ERP44: variants seen among roughly 807,000 people sequenced by gnomAD.
The protein encoded by ERP44 is endoplasmic reticulum protein 44, also known as endoplasmic reticulum resident protein 44.
A neutral mutation model predicts 53.4 loss-of-function variants in ERP44; 25 were observed. The ratio of observed to expected loss-of-function variants is 0.47; its 90% confidence interval spans 0.34 to 0.65. The LOEUF (loss-of-function observed/expected upper bound fraction) is 0.65. ERP44 is among the 30% of genes least tolerant of loss of function. The pLI, the probability that ERP44 is intolerant of heterozygous loss-of-function variation, is 0.01. For missense variants in ERP44, 338 were observed against 493.2 expected, an observed-to-expected ratio of 0.69 and a Z score of 2.98; for synonymous variants, 145 against 161.2, an observed-to-expected ratio of 0.90 and a Z score of 0.76.
chr9:100,030,970 C>G (rs1825780581), intron 4 of ERP44, among the ~76,000 whole-genome samples: 1 of 152,192 alleles, frequency 6.6e-6, no homozygotes. Flanking sequence ...CAGGGCCCAT[C>G]TGAGGGCAAG....
At chr9:100,081,995 C>T (rs1189777916) in intron 1 of ERP44, among the ~76,000 whole-genome samples, 1 of 151,690 alleles carries the variant, frequency 6.6e-6, no homozygotes, top group Non-Finnish European at 1.5e-5. Flanking sequence ...AAATTAATAA[C>T]ATACACACAC....
In ERP44 at chr9:100,006,656, A is replaced by G; in HGVS notation, c.875-9T>C. 1 of 1,555,816 alleles carries G rather than the reference A, an allele frequency of 6.4e-7. No individual in the cohort carries two copies. Among genetic ancestry groups the G allele is most frequent in the Non-Finnish European group, 8.7e-7 (1 of 1,153,898 alleles). On this transcript the variant is annotated splice_polypyrimidine_tract_variant and intron_variant, in intron 9 of 11. Transcript: ENST00000262455. ...TAAAAAGTTTATTGTACCTTTAAGA[A>G]AAAAGAATTTTGAGAGGTAAATTCA...
chr9:100,007,346 T>G (rs1830433126), intron 9 of ERP44, among the ~76,000 whole-genome samples: 1 of 152,240 alleles, frequency 6.6e-6, no homozygotes, highest in Non-Finnish European at 1.5e-5. Context: ...TTTCATGCAC[T>G]TTGATTTTTC....
chr9:100,037,356 CA>C (rs2118681773), intron 4 of ERP44, among the ~76,000 whole-genome samples: 1 of 152,258 alleles, frequency 6.6e-6, no homozygotes, highest in African/African-American at 2.4e-5. Flanking sequence ...CAAACATTAC[CA>C]CCTTGTGCCA....
intron 8 of ERP44, among the ~76,000 whole-genome samples, chr9:100,013,929 T>C (rs1830502289): frequency 6.6e-6 from 1 of 152,214 alleles, no homozygotes; most frequent in Non-Finnish European, 1.5e-5. Context: ...TATATTGTGT[T>C]ATATTTATAT....
intron 10 of ERP44, among the ~76,000 whole-genome samples, chr9:99,996,309 C>T (rs1026924597): frequency 2.6e-5 from 4 of 152,090 alleles, no homozygotes; most frequent in Non-Finnish European, 2.9e-5. Context: ...AAAGCCAGGA[C>T]GCCCCTCAGC....
At chr9:100,059,878 C>T (rs993244710) in intron 2 of ERP44, among the ~76,000 whole-genome samples, 2 of 152,042 alleles carry the variant, frequency 1.3e-5, no homozygotes, top group African/African-American at 2.4e-5. Flanking sequence ...CAAAACATTT[C>T]GTGAATTGTT....
intron 10 of ERP44, among the ~76,000 whole-genome samples, chr9:99,992,522 T>A (rs1484562331): frequency 6.6e-6 from 1 of 152,172 alleles, no homozygotes; most frequent in South Asian, 2.1e-4. Context: ...TATCTCTAAA[T>A]AATAAGAGCT....
Position 99,981,463 on chromosome 9 carries a change from T to C in ERP44, c.*1149A>G, listed in dbSNP as rs529042847. On this transcript the variant is annotated 3_prime_UTR_variant, in exon 12 of 12. Transcript: ENST00000262455. Reference sequence around the variant, plus strand: ...TTTATACCCAAGTATAAAATGACCCTTGGCCTATAGCACCAACCCAGGCCC... The same window carrying C: ...TTTATACCCAAGTATAAAATGACCCCTGGCCTATAGCACCAACCCAGGCCC... 3 of 152,750 alleles carry C rather than the reference T, an allele frequency of 2.0e-5. No individual in the cohort carries two copies. The South Asian group carries it at 6.2e-4, about 32-fold the overall frequency. 9.5% of individuals were successfully genotyped at this position (152,750 alleles called of 1,614,324 possible). A position where few individuals can be genotyped will look rare whatever the true frequency, so the allele number is the denominator to read the frequency against.
At chr9:100,055,689 G>C (rs1202238690) in intron 3 of ERP44, among the ~76,000 whole-genome samples, 1 of 152,084 alleles carries the variant, frequency 6.6e-6, no homozygotes, top group African/African-American at 2.4e-5. Context: ...ATCCTACTTT[G>C]TACACCTCTA....
At chr9:100,094,314 T>C (rs1309135246) in intron 1 of ERP44, among the ~76,000 whole-genome samples, 2 of 151,086 alleles carry the variant, frequency 1.3e-5, no homozygotes, top group African/African-American at 2.4e-5. Flanking sequence ...AGCTTGTACC[T>C]TTAAAAAAAA....
At chr9:100,059,314 T>A (rs1026328178) in intron 2 of ERP44, among the ~76,000 whole-genome samples, 2 of 152,212 alleles carry the variant, frequency 1.3e-5, no homozygotes, top group Non-Finnish European at 2.9e-5. Context: ...TCCTTTACTA[T>A]TTTTAAAAAA....
rs1830127613 is a variant in ERP44, at chr9:99,979,743, G to A, written c.*2869C>T. The A allele has an allele frequency of 2.6e-6, 1 of 383,924 alleles. No individual in the cohort carries two copies. The highest frequency in any genetic ancestry group is 4.6e-6 in the Non-Finnish European group (1 of 217,196). 23.8% of individuals were successfully genotyped at this position (383,924 alleles called of 1,614,324 possible). A position where few individuals can be genotyped will look rare whatever the true frequency, so the allele number is the denominator to read the frequency against. On this transcript the variant is annotated 3_prime_UTR_variant, in exon 12 of 12. Coordinates refer to ENST00000262455, the MANE Select transcript of ERP44 (RefSeq NM_015051.3). ...TCCCAGCTGAGAAGCCTGAGGCCCC[G>A]AGTAGATCAGATAAACCGGGGAAGA...
chr9:100,008,056 G>A (rs1369543886), intron 8 of ERP44, among the ~76,000 whole-genome samples: 1 of 152,146 alleles, frequency 6.6e-6, no homozygotes, highest in Non-Finnish European at 1.5e-5. Flanking sequence ...TTAGAGTGGG[G>A]TAAACATGAC....
At chr9:100,022,851 A>G (rs1830608423) in intron 4 of ERP44, among the ~76,000 whole-genome samples, 1 of 152,228 alleles carries the variant, frequency 6.6e-6, no homozygotes, top group South Asian at 2.1e-4. Context: ...GGGGGGCTGG[A>G]GGAAAAGATT....
chr9:100,050,344 T>A (rs1386387663), intron 4 of ERP44, among the ~76,000 whole-genome samples: 1 of 152,200 alleles, frequency 6.6e-6, no homozygotes, highest in Admixed American at 6.5e-5. Context: ...TAAATCTCTT[T>A]TAAAAACTGC....
chr9:100,068,374 G>A, intron 1 of ERP44, among the ~76,000 whole-genome samples: 1 of 132,826 alleles, frequency 7.5e-6, no homozygotes, highest in African/African-American at 2.9e-5. Flanking sequence ...CCGTCCGGGA[G>A]GGAGGTGGGG....
chr9:100,054,685 C>T (rs745621076), intron 3 of ERP44, among the ~76,000 whole-genome samples: 1 of 152,146 alleles, frequency 6.6e-6, no homozygotes, highest in Non-Finnish European at 1.5e-5. Flanking sequence ...ATAAGGCAAA[C>T]ATTACCAAAT....
intron 6 of ERP44, among the ~76,000 whole-genome samples, chr9:100,020,331 G>GT (rs1170051560): frequency 6.6e-6 from 1 of 152,192 alleles, no homozygotes; most frequent in African/African-American, 2.4e-5. Context: ...CTGACATAGG[G>GT]TAAGAGTTAG....
Sources: allele counts gnomAD v4.1 joint callset (sites outside exome capture counted in the v4.1 genomes callset), GRCh38; gene constraint gnomAD v4.1.1; transcripts MANE v1.5; gene names NCBI Gene and HGNC (gene_info 2026-07-23, HGNC 2026-07-21).